The following EEIG2 variants were observed in gnomAD, a reference collection of about 807,000 sequenced individuals.
EEIG2 encodes the protein EEIG family member 2.
chr1:108,611,970 G>A, the EEIG2 span, among the ~76,000 whole-genome samples: 3 of 151,920 alleles, frequency 2.0e-5, no homozygotes, highest in East Asian at 3.9e-4. Flanking sequence ...GTTGCTGAAC[G>A]CAAGAATAGA....
the EEIG2 span, chr1:108,628,094 C>G: frequency 1.5e-6 from 2 of 1,290,484 alleles, no homozygotes; most frequent in South Asian, 2.4e-5. Flanking sequence ...TTTATAAAGT[C>G]TGCAGAGTAG....
At chr1:108,593,618 A>G in the EEIG2 span, among the ~76,000 whole-genome samples, 1 of 152,192 alleles carries the variant, frequency 6.6e-6, no homozygotes, top group Non-Finnish European at 1.5e-5. Flanking sequence ...GCTCCTGGGC[A>G]AACCATTTGA....
chr1:108,623,743 C>T, the EEIG2 span, among the ~76,000 whole-genome samples: 1 of 152,066 alleles, frequency 6.6e-6, no homozygotes, highest in African/African-American at 2.4e-5. Context: ...GCAATCTCGG[C>T]TCACTGCAAC....
At chr1:108,635,116 CTGGAGCTTATGAACAAGT>C in the EEIG2 span, 1 of 1,614,122 alleles carries the variant, frequency 6.2e-7, no homozygotes, top group Non-Finnish European at 8.5e-7. Context: ...AGGGTGGGGT[CTGGAGCTTATGAACAAGT>C]TGTGATCAAA....
chr1:108,560,309 GCCGCGCCC>G, the EEIG2 span: 1 of 793,976 alleles, frequency 1.3e-6, no homozygotes, highest in Non-Finnish European at 1.5e-6. Flanking sequence ...GCGCCCCCCG[GCCGCGCCC>G]CCGCGCACAG....
At chr1:108,612,713 A>G in the EEIG2 span, among the ~76,000 whole-genome samples, 14 of 152,354 alleles carry the variant, frequency 9.2e-5, no homozygotes, top group African/African-American at 3.4e-4. Flanking sequence ...ACTTCTGGGC[A>G]TCTGCCCGGC....
chr1:108,633,093 A>G, the EEIG2 span, among the ~76,000 whole-genome samples: 2 of 152,080 alleles, frequency 1.3e-5, no homozygotes, highest in East Asian at 3.9e-4. Context: ...CCTTCAACCA[A>G]AAGGCATTTA....
chr1:108,574,626 C>T, the EEIG2 span, among the ~76,000 whole-genome samples: 1 of 152,184 alleles, frequency 6.6e-6, no homozygotes, highest in Non-Finnish European at 1.5e-5. Flanking sequence ...TGGCAGGTGC[C>T]TGTAATCCCA....
the EEIG2 span, among the ~76,000 whole-genome samples, chr1:108,583,987 C>G: frequency 2.0e-5 from 3 of 151,552 alleles, 1 homozygote; most frequent in Middle Eastern, 6.9e-3. Flanking sequence ...ATGAGAGATG[C>G]TCTGTTTATT....
the EEIG2 span, among the ~76,000 whole-genome samples, chr1:108,614,793 A>G: frequency 4.6e-5 from 7 of 152,336 alleles, no homozygotes; most frequent in East Asian, 1.3e-3. Flanking sequence ...CCATATTTAT[A>G]AAGAAAGACA....
At chr1:108,633,266 A>G in the EEIG2 span, among the ~76,000 whole-genome samples, 1 of 152,060 alleles carries the variant, frequency 6.6e-6, no homozygotes, top group Non-Finnish European at 1.5e-5. Context: ...GTAAGACTAA[A>G]TTAGATGACT....
chr1:108,597,908 C>T, the EEIG2 span, among the ~76,000 whole-genome samples: 1 of 152,200 alleles, frequency 6.6e-6, no homozygotes. Flanking sequence ...AACCAAGCGC[C>T]TTGATGCTCA....
the EEIG2 span, among the ~76,000 whole-genome samples, chr1:108,601,658 A>G: frequency 6.6e-6 from 1 of 152,282 alleles, no homozygotes; most frequent in Non-Finnish European, 1.5e-5. Flanking sequence ...AGCACTTTCA[A>G]ATAAATTAAT....
chr1:108,616,391 A>G, the EEIG2 span: 2 of 1,598,008 alleles, frequency 1.3e-6, no homozygotes, highest in African/African-American at 1.3e-5. Flanking sequence ...GGTTTTGATC[A>G]GTATGCAACT....
At chr1:108,607,622 A>G in the EEIG2 span, among the ~76,000 whole-genome samples, 1 of 152,068 alleles carries the variant, frequency 6.6e-6, no homozygotes, top group African/African-American at 2.4e-5. Flanking sequence ...CCAGGCATTC[A>G]TGACCATCCT....
At chr1:108,570,018 C>A in the EEIG2 span, among the ~76,000 whole-genome samples, 7 of 152,304 alleles carry the variant, frequency 4.6e-5, no homozygotes, top group Middle Eastern at 3.4e-3. Context: ...GTTCTTGTTG[C>A]TACCAGTCAT....
At chr1:108,595,418 GGA>G in the EEIG2 span, among the ~76,000 whole-genome samples, 3 of 143,386 alleles carry the variant, frequency 2.1e-5, no homozygotes, top group African/African-American at 5.2e-5. Context: ...TTTTACAGAG[GGA>G]GAGAGGAGGA....
At chr1:108,579,772 TGAGA>T in the EEIG2 span, among the ~76,000 whole-genome samples, 12 of 58,870 alleles carry the variant, frequency 2.0e-4, no homozygotes, top group African/African-American at 7.8e-4. Flanking sequence ...TGTGTGTGTG[TGAGA>T]GAGAGAGAGA....
At chr1:108,629,446 T>G in the EEIG2 span, 1 of 552,978 alleles carries the variant, frequency 1.8e-6, no homozygotes, top group Non-Finnish European at 3.2e-6. Context: ...TTGCCTATTT[T>G]AAAACATGTA....
Sources: gnomAD v4.1 joint callset for allele counts (sites outside exome capture counted in the v4.1 genomes callset) on GRCh38, gnomAD v4.1.1 for gene constraint, MANE v1.5 for transcripts, NCBI Gene and HGNC (gene_info 2026-07-23, HGNC 2026-07-21) for gene names.